Variants in CHST11 observed in about 807,000 individuals in gnomAD.
CHST11 encodes the protein C4S-1.
In CHST11, 9 loss-of-function variants were observed where a neutral mutation model predicts 30.4. The ratio of observed to expected loss-of-function variants is 0.30; its 90% CI spans 0.18 to 0.52. The LOEUF is 0.52. Ranked by LOEUF, CHST11 falls within the 20% of genes least tolerant of loss-of-function variation. The pLI is 0.97. For synonymous variants in CHST11, 152 were observed against 187.8 expected, an observed-to-expected ratio of 0.81 and a Z score of 1.56; for missense variants, 348 against 460.6, an observed-to-expected ratio of 0.76 and a Z score of 2.24.
At chr12:104,689,102 T>C (rs1234112047) in intron 2 of CHST11, among the ~76,000 whole-genome samples, 1 of 152,268 alleles carries the variant, frequency 6.6e-6, no homozygotes, top group Admixed American at 6.5e-5. Flanking sequence ...CAGTATTTCC[T>C]TTAGGTGTTA....
intron 2 of CHST11, among the ~76,000 whole-genome samples, chr12:104,645,579 G>T (rs1217504230): frequency 1.3e-5 from 2 of 152,234 alleles, no homozygotes; most frequent in African/African-American, 4.8e-5. Context: ...GTCTGCCTGG[G>T]CTCTGGGGGG....
intron 1 of CHST11, among the ~76,000 whole-genome samples, chr12:104,459,879 A>G (rs181226172): frequency 6.6e-6 from 1 of 152,292 alleles, no homozygotes; most frequent in Admixed American, 6.5e-5. Flanking sequence ...CTTTCAAAAC[A>G]TTGTGTTGAA....
chr12:104,516,900 T>C (rs572110181), intron 1 of CHST11, among the ~76,000 whole-genome samples: 60 of 152,288 alleles, frequency 3.9e-4, no homozygotes, highest in African/African-American at 1.4e-3. Context: ...TTCTATCCTA[T>C]GCCTAAGTTG....
intron 1 of CHST11, among the ~76,000 whole-genome samples, chr12:104,572,635 A>G (rs367603993): frequency 2.0e-5 from 3 of 152,114 alleles, no homozygotes. Context: ...GTAGCAGTCT[A>G]TCAATTTTGT....
intron 1 of CHST11, among the ~76,000 whole-genome samples, chr12:104,519,266 C>T (rs1319847972): frequency 2.6e-5 from 4 of 152,186 alleles, no homozygotes; most frequent in African/African-American, 7.2e-5. Context: ...CTGTCAATTA[C>T]AGACTTCCTT....
Position 104,565,738 on chromosome 12 carries a change from G to A in CHST11, c.119-36168G>A, listed in dbSNP as rs555676973. On this transcript the variant is annotated intron_variant, in intron 1 of 2. Coordinates refer to ENST00000303694, the MANE Select transcript of CHST11 (RefSeq NM_018413.6). Reference sequence around the variant, plus strand: ...AGACCCAGGGGATTTGTGCGGCTCCGGCATCGCCAGCATAGTTGTTAGGAA... The same window carrying A: ...AGACCCAGGGGATTTGTGCGGCTCCAGCATCGCCAGCATAGTTGTTAGGAA... 7.6e-4 allele frequency among the ~76,000 whole-genome samples: 115 copies of A among 152,252 alleles called. 1 individual carries two copies. In the Middle Eastern group the frequency reaches 0.027, roughly 36 times the overall value.
chr12:104,607,451 T>C (rs1395185594), intron 2 of CHST11, among the ~76,000 whole-genome samples: 3 of 152,228 alleles, frequency 2.0e-5, no homozygotes, highest in Non-Finnish European at 4.4e-5. Context: ...CTAGGTCATG[T>C]AACCTGATAA....
intron 1 of CHST11, among the ~76,000 whole-genome samples, chr12:104,524,386 C>G (rs2038103448): frequency 6.6e-6 from 1 of 152,118 alleles, no homozygotes. Flanking sequence ...GGCTTTGCAG[C>G]TAGTTCATTC....
intron 1 of CHST11, among the ~76,000 whole-genome samples, chr12:104,522,604 T>G (rs998577560): frequency 5.9e-5 from 9 of 152,226 alleles, no homozygotes; most frequent in Non-Finnish European, 1.3e-4. Flanking sequence ...ATGGGCCCTA[T>G]GTTCCATCAT....
intron 1 of CHST11, among the ~76,000 whole-genome samples, chr12:104,521,995 C>T (rs184238319): frequency 5.9e-5 from 9 of 152,202 alleles, no homozygotes; most frequent in South Asian, 2.1e-4. Context: ...TCTCTGTGCC[C>T]GGAAAATTCG....
At chr12:104,480,202 C>G (rs769738155) in intron 1 of CHST11, among the ~76,000 whole-genome samples, 10 of 150,802 alleles carry the variant, frequency 6.6e-5, no homozygotes, top group South Asian at 2.1e-4. Flanking sequence ...GTGTCCCCGC[C>G]CCCCCCTCCA....
chr12:104,654,423 A>G (rs1024296073), intron 2 of CHST11, among the ~76,000 whole-genome samples: 1 of 152,174 alleles, frequency 6.6e-6, no homozygotes, highest in Non-Finnish European at 1.5e-5. Context: ...AAAGACACCC[A>G]TGGACACAGT....
At chr12:104,503,907 G>A (rs935184988) in intron 1 of CHST11, among the ~76,000 whole-genome samples, 1 of 152,230 alleles carries the variant, frequency 6.6e-6, no homozygotes, top group Non-Finnish European at 1.5e-5. Flanking sequence ...AGGAAAAAAA[G>A]TCATCAGGCA....
intron 2 of CHST11, among the ~76,000 whole-genome samples, chr12:104,686,154 G>A (rs1482281097): frequency 6.6e-6 from 1 of 150,634 alleles, no homozygotes; most frequent in Non-Finnish European, 1.5e-5. Flanking sequence ...AATCGCTGGA[G>A]CCCGAGTTTG....
intron 1 of CHST11, among the ~76,000 whole-genome samples, chr12:104,462,295 T>C (rs1335963879): frequency 6.7e-6 from 1 of 149,836 alleles, no homozygotes; most frequent in Non-Finnish European, 1.5e-5. Flanking sequence ...AATATATTTA[T>C]ATATATTTAT....
At chr12:104,507,117 G>A (rs930904630) in intron 1 of CHST11, among the ~76,000 whole-genome samples, 1 of 152,232 alleles carries the variant, frequency 6.6e-6, no homozygotes, top group Non-Finnish European at 1.5e-5. Context: ...GAGCTGTGAC[G>A]GTTCAGTGCA....
At chr12:104,733,896 C>T (rs755813542) in intron 2 of CHST11, among the ~76,000 whole-genome samples, 10 of 152,242 alleles carry the variant, frequency 6.6e-5, no homozygotes, top group Non-Finnish European at 1.3e-4. Context: ...GCGGGGGGCG[C>T]TTTGAGCCTT....
At chr12:104,587,827 GTTTGTTTTTTGTTT>G (rs67468044) in intron 1 of CHST11, among the ~76,000 whole-genome samples, 1 of 135,572 alleles carries the variant, frequency 7.4e-6, no homozygotes, top group Non-Finnish European at 1.6e-5. Context: ...TAGAGATTAA[GTTTGTTTTTTGTTT>G]TTTGTTTTTT....
chr12:104,522,348 T>G (rs1274933372), intron 1 of CHST11, among the ~76,000 whole-genome samples: 1 of 152,206 alleles, frequency 6.6e-6, no homozygotes, highest in Non-Finnish European at 1.5e-5. Flanking sequence ...GTTGTAAGGA[T>G]TACATGAGAT....
Sources: allele counts gnomAD v4.1 joint callset (sites outside exome capture counted in the v4.1 genomes callset), GRCh38; gene constraint gnomAD v4.1.1; transcripts MANE v1.5; gene names NCBI Gene and HGNC (gene_info 2026-07-23, HGNC 2026-07-21).